Variants in ITGB1 observed in about 807,000 individuals in gnomAD.
ITGB1 encodes the protein integrin subunit beta 1.
ITGB1 carries 24 observed loss-of-function variants against 86.5 expected under a neutral mutation model. The observed-to-expected ratio is 0.28, with a 90% CI of 0.20 to 0.39. ITGB1 has a LOEUF of 0.39. Ranked by LOEUF, ITGB1 falls within the 10% of genes least tolerant of loss-of-function variation. The pLI, the probability that ITGB1 is intolerant of heterozygous loss-of-function variation, is 1.00. For missense variants in ITGB1, 556 were observed against 946.9 expected (o/e 0.59, Z 5.42); for synonymous variants, 323 against 316.8 (o/e 1.02, Z -0.21).
At position 32,924,979 on chromosome 10, in the gene ITGB1, T is replaced by C. The variant is rs138498841; in HGVS notation, c.786+892A>G. Among the ~76,000 whole-genome samples the C allele has an allele frequency of 1.1e-4, 16 of 152,302 alleles. No homozygotes were observed. The East Asian group carries it at 1.9e-3, about 18-fold the overall frequency. On this transcript the variant is annotated intron_variant, in intron 6 of 15. Coordinates refer to ENST00000302278, the MANE Select transcript of ITGB1 (RefSeq NM_002211.4). ...GTAAATTGCCCAGCATCAGTGGTGA[T>C]AGAAAAATTCTTAATTACTATCCAT...
intron 4 of ITGB1, 37 bp from the exon 5 acceptor site, chr10:32,928,301 G>A (rs781723684): frequency 2.5e-6 from 2 of 789,474 alleles, no homozygotes; most frequent in Non-Finnish European, 2.2e-6. Context: ...AAACTTGCCT[G>A]TTGGCAATCA....
At chr10:32,948,974 A>G (rs2095037558) in intron 1 of ITGB1, among the ~76,000 whole-genome samples, 1 of 151,626 alleles carries the variant, frequency 6.6e-6, no homozygotes, top group South Asian at 2.1e-4. Flanking sequence ...GATTACTGAA[A>G]AAAAAAAAAA....
chr10:32,908,730 T>A (rs1472850393), intron 14 of ITGB1, among the ~76,000 whole-genome samples, 196 bp from the exon 15 acceptor site: 2 of 151,722 alleles, frequency 1.3e-5, no homozygotes, highest in African/African-American at 2.4e-5. Context: ...TATTTTTCTA[T>A]ATATATAATT....
intron 1 of ITGB1, among the ~76,000 whole-genome samples, chr10:32,940,037 GGA>G (rs1439193959): frequency 3.9e-5 from 6 of 152,128 alleles, no homozygotes; most frequent in African/African-American, 1.4e-4. Flanking sequence ...TTTTCTGTAA[GGA>G]GAGATACTCT....
intron 11 of ITGB1, among the ~76,000 whole-genome samples, chr10:32,919,273 A>G (rs556583525): frequency 6.6e-6 from 1 of 152,330 alleles, no homozygotes; most frequent in Non-Finnish European, 1.5e-5. Flanking sequence ...AGCGGTATTC[A>G]ATGTATACTC....
intron 15 of ITGB1, 43 bp downstream of exon 15, chr10:32,908,325 T>C: frequency 6.3e-7 from 1 of 1,575,806 alleles, no homozygotes. Flanking sequence ...GTATTACATT[T>C]ACTTTATAAG....
intron 1 of ITGB1, among the ~76,000 whole-genome samples, chr10:32,943,357 A>G (rs1266695525): frequency 6.6e-6 from 1 of 151,990 alleles, no homozygotes; most frequent in Non-Finnish European, 1.5e-5. Context: ...ACATGAAAGC[A>G]TGATTTTTTT....
intron 15 of ITGB1, 155 bp downstream of exon 15, chr10:32,908,213 T>G: frequency 1.4e-6 from 1 of 698,506 alleles, no homozygotes; most frequent in Non-Finnish European, 2.5e-6. Flanking sequence ...CTTTCTGTTT[T>G]TCACTAAATG....
intron 1 of ITGB1, among the ~76,000 whole-genome samples, chr10:32,938,472 G>C (rs898379767): frequency 6.6e-6 from 1 of 152,208 alleles, no homozygotes; most frequent in Non-Finnish European, 1.5e-5. Context: ...CCACTAAGAT[G>C]AAGTTATTAG....
intron 1 of ITGB1, among the ~76,000 whole-genome samples, chr10:32,957,231 A>G (rs1287980581): frequency 6.6e-6 from 1 of 152,240 alleles, no homozygotes; most frequent in Admixed American, 6.5e-5. Context: ...CTTACTAATG[A>G]TCATACCAAT....
intron 11 of ITGB1, among the ~76,000 whole-genome samples, chr10:32,916,811 T>C (rs2094933124): frequency 6.6e-6 from 1 of 152,178 alleles, no homozygotes; most frequent in African/African-American, 2.4e-5. Flanking sequence ...AAGCTACCAA[T>C]GACTTTCTTC....
At chr10:32,949,433 G>A (rs576187008) in intron 1 of ITGB1, among the ~76,000 whole-genome samples, 13 of 152,272 alleles carry the variant, frequency 8.5e-5, no homozygotes, top group African/African-American at 3.1e-4. Context: ...GAAATGGAAA[G>A]GGCTTATAAT....
intron 1 of ITGB1, chr10:32,936,201 G>A (rs2095001115): frequency 6.6e-6 from 1 of 152,228 alleles, no homozygotes; most frequent in African/African-American, 2.4e-5. Context: ...TTGGGAGGCT[G>A]AGGCAGGCAG....
chr10:32,911,623 T>C lies in ITGB1; in HGVS notation c.1756A>G (p.Thr586Ala). ...CRVCECNPNYTGSACDCSLDT... is the reference protein window; with the variant it reads ...CRVCECNPNYAGSACDCSLDT... ...AAAGAACAGTCACATGCACTGCCAGTGTAGTTGGGGTTGCACTCACACACA... is the reference window on the plus strand; with the variant it reads ...AAAGAACAGTCACATGCACTGCCAGCGTAGTTGGGGTTGCACTCACACACA... The change falls in exon 13 of 16, where the codon ACT becomes GCT. Residue 586 changes from threonine (T) to alanine (A), a missense_variant. Coordinates refer to ENST00000302278, the MANE Select transcript of ITGB1 (RefSeq NM_002211.4). 1 of 1,614,200 alleles carries C rather than the reference T, an allele frequency of 6.2e-7. No individual in the cohort carries two copies. Among genetic ancestry groups the C allele is most frequent in the Non-Finnish European group, 8.5e-7 (1 of 1,180,028 alleles).
intron 4 of ITGB1, 126 bp from the exon 5 acceptor site, chr10:32,928,390 C>T: frequency 1.8e-6 from 1 of 563,262 alleles, no homozygotes; most frequent in Non-Finnish European, 3.2e-6. Context: ...ATAATTTTTA[C>T]AAAAACCTGG....
chr10:32,935,608 A>T (rs2094999072), intron 1 of ITGB1, 50 bp from the exon 2 acceptor site: 1 of 1,294,042 alleles, frequency 7.7e-7, no homozygotes. Context: ...TAAAATGAAA[A>T]ATGCATTAAA....
intron 14 of ITGB1, among the ~76,000 whole-genome samples, 167 bp from the exon 15 acceptor site, chr10:32,908,701 T>C (rs2137163630): frequency 6.6e-6 from 1 of 152,312 alleles, no homozygotes; most frequent in South Asian, 2.1e-4. Flanking sequence ...GGATACATGA[T>C]CAATGAACAA....
At chr10:32,922,549 G>A in intron 8 of ITGB1, 91 bp downstream of exon 8, 1 of 851,688 alleles carries the variant, frequency 1.2e-6, no homozygotes, top group Admixed American at 2.7e-5. Flanking sequence ...TGCCTATCTG[G>A]TGGCATTTTC....
intron 1 of ITGB1, among the ~76,000 whole-genome samples, chr10:32,939,462 G>A (rs1004296756): frequency 1.3e-5 from 2 of 152,134 alleles, no homozygotes; most frequent in Non-Finnish European, 2.9e-5. Context: ...TACACAAACC[G>A]AGATGGTGTG....
Sources: gnomAD v4.1 joint callset for allele counts (sites outside exome capture counted in the v4.1 genomes callset) on GRCh38, gnomAD v4.1.1 for gene constraint, MANE v1.5 for transcripts, NCBI Gene and HGNC (gene_info 2026-07-23, HGNC 2026-07-21) for gene names.